The following PPARGC1A variants were observed in gnomAD, a reference collection of about 807,000 sequenced individuals.
PPARGC1A encodes peroxisome proliferator-activated receptor gamma coactivator 1-alpha.
A neutral mutation model predicts 88.7 loss-of-function variants in PPARGC1A; 25 were observed. The ratio of observed to expected loss-of-function variants is 0.28; its 90% CI spans 0.21 to 0.39. The LOEUF (loss-of-function observed/expected upper bound fraction) is 0.39. Among genes scored for constraint, PPARGC1A ranks in the 10% least tolerant of loss-of-function variants. The pLI, the probability that PPARGC1A is intolerant of heterozygous loss-of-function variation, is 1.00. For missense variants in PPARGC1A, 880 were observed against 968.7 expected (o/e 0.91, Z 1.22); for synonymous variants, 363 against 355.6 (o/e 1.02, Z -0.24).
the PPARGC1A span, among the ~76,000 whole-genome samples, chr4:24,141,190 AC>A: frequency 5.3e-5 from 8 of 152,232 alleles, no homozygotes; most frequent in Non-Finnish European, 1.2e-4. Context: ...TATAACTAAG[AC>A]AAAATGATGC....
chr4:23,823,525 T>G (rs1221406436), intron 7 of PPARGC1A, among the ~76,000 whole-genome samples: 1 of 152,078 alleles, frequency 6.6e-6, no homozygotes, highest in Admixed American at 6.6e-5. Flanking sequence ...ACTGGTCAGA[T>G]AAGAAGGCCT....
the PPARGC1A span, among the ~76,000 whole-genome samples, chr4:24,146,361 T>A: frequency 1.3e-5 from 2 of 152,216 alleles, no homozygotes; most frequent in African/African-American, 4.8e-5. Flanking sequence ...GCATGCACAT[T>A]TGTGCAAATG....
the PPARGC1A span, among the ~76,000 whole-genome samples, chr4:24,280,895 T>G: frequency 1.3e-5 from 2 of 152,246 alleles, no homozygotes; most frequent in Non-Finnish European, 2.9e-5. Flanking sequence ...ACTCAAGATA[T>G]TCTGGCATGT....
the PPARGC1A span, among the ~76,000 whole-genome samples, chr4:23,987,801 T>C: frequency 6.6e-6 from 1 of 152,024 alleles, no homozygotes; most frequent in African/African-American, 2.4e-5. Flanking sequence ...TTTATTATTA[T>C]TATTATACTT....
intron 2 of PPARGC1A, among the ~76,000 whole-genome samples, chr4:23,870,967 C>A (rs888858926): frequency 6.9e-6 from 1 of 144,560 alleles, no homozygotes; most frequent in East Asian, 2.0e-4. Context: ...TTCTATACCA[C>A]AAAAGCAGCA....
At chr4:24,036,425 C>T in the PPARGC1A span, among the ~76,000 whole-genome samples, 51 of 152,148 alleles carry the variant, frequency 3.4e-4, no homozygotes, top group African/African-American at 8.9e-4. Flanking sequence ...GTACATCCAC[C>T]GAAGCTCATG....
At chr4:24,412,588 C>G in the PPARGC1A span, among the ~76,000 whole-genome samples, 1 of 152,184 alleles carries the variant, frequency 6.6e-6, no homozygotes, top group African/African-American at 2.4e-5. Flanking sequence ...TCAAGCGATT[C>G]TCCTGCCTCA....
At chr4:23,821,034 T>C (rs1010139257) in intron 7 of PPARGC1A, among the ~76,000 whole-genome samples, 2 of 152,130 alleles carry the variant, frequency 1.3e-5, no homozygotes, top group Non-Finnish European at 2.9e-5. Context: ...ACATCACTAA[T>C]TGATCATGAC....
the PPARGC1A span, among the ~76,000 whole-genome samples, chr4:24,286,613 G>A: frequency 6.6e-6 from 1 of 152,220 alleles, no homozygotes; most frequent in African/African-American, 2.4e-5. Flanking sequence ...TGAAGGCACA[G>A]AGAGAATCTG....
chr4:24,352,656 A>C, the PPARGC1A span, among the ~76,000 whole-genome samples: 4 of 152,190 alleles, frequency 2.6e-5, no homozygotes, highest in Admixed American at 6.5e-5. Context: ...CCAACCCATG[A>C]GCAAACTTAT....
At chr4:23,959,017 C>CAA in the PPARGC1A span, among the ~76,000 whole-genome samples, 642 of 138,826 alleles carry the variant, frequency 4.6e-3, 4 homozygotes, top group African/African-American at 0.016. Context: ...TTTACCAAAC[C>CAA]AAAAAAAAAA....
At chr4:24,314,404 C>A in the PPARGC1A span, among the ~76,000 whole-genome samples, 1 of 152,160 alleles carries the variant, frequency 6.6e-6, no homozygotes, top group Non-Finnish European at 1.5e-5. Flanking sequence ...AACTTAGTCC[C>A]TCTTTGTCCT....
the PPARGC1A span, among the ~76,000 whole-genome samples, chr4:24,165,055 C>T: frequency 6.6e-6 from 1 of 152,234 alleles, no homozygotes; most frequent in Admixed American, 6.5e-5. Context: ...TATGACCTAT[C>T]TGACTCCTTT....
chr4:24,307,332 A>G, the PPARGC1A span, among the ~76,000 whole-genome samples: 2 of 151,992 alleles, frequency 1.3e-5, no homozygotes, highest in Non-Finnish European at 2.9e-5. Context: ...GGTATTTTTC[A>G]CATCCTTTGG....
chr4:24,095,873 C>A, the PPARGC1A span, among the ~76,000 whole-genome samples: 1 of 152,184 alleles, frequency 6.6e-6, no homozygotes, highest in Admixed American at 6.5e-5. Context: ...GACTTAATCA[C>A]ATTCACAAGG....
At chr4:24,119,095 C>T in the PPARGC1A span, among the ~76,000 whole-genome samples, 1 of 152,174 alleles carries the variant, frequency 6.6e-6, no homozygotes, top group Non-Finnish European at 1.5e-5. Context: ...ATTGCCTCAA[C>T]ATAAAGTGGG....
intron 2 of PPARGC1A, among the ~76,000 whole-genome samples, chr4:23,844,419 AATATATTAT>A (rs1212243848): frequency 7.5e-4 from 85 of 113,428 alleles, no homozygotes; most frequent in Admixed American, 1.4e-3. Flanking sequence ...AATAATATAT[AATATATTAT>A]ATATATTATA....
the PPARGC1A span, among the ~76,000 whole-genome samples, chr4:23,916,320 TATTTTCATGGAAGA>T: frequency 5.9e-5 from 9 of 152,344 alleles, no homozygotes; most frequent in East Asian, 1.7e-3. Context: ...TATTGCTTTT[TATTTTCATGGAAGA>T]ATATATTCAT....
the PPARGC1A span, among the ~76,000 whole-genome samples, chr4:24,300,841 G>C: frequency 1.3e-5 from 2 of 152,094 alleles, no homozygotes; most frequent in Non-Finnish European, 2.9e-5. Context: ...ACGAAGACTA[G>C]AACTCACCCC....
Sources: allele counts gnomAD v4.1 joint callset (sites outside exome capture counted in the v4.1 genomes callset), GRCh38; gene constraint gnomAD v4.1.1; transcripts MANE v1.5; gene names NCBI Gene and HGNC (gene_info 2026-07-23, HGNC 2026-07-21).